The following ERICH6 variants were observed in gnomAD, a reference collection of about 807,000 sequenced individuals.
ERICH6 encodes the protein glutamate-rich protein 6.
ERICH6 carries 71 observed loss-of-function variants against 71.0 expected under a neutral mutation model. That is an observed-to-expected ratio of 1.00 (90% CI 0.83 to 1.22). The LOEUF (loss-of-function observed/expected upper bound fraction) is 1.22. ERICH6 is among the 50% of genes most tolerant of loss of function. ERICH6 has a pLI of 0.00. For synonymous variants in ERICH6, 262 were observed against 278.4 expected (o/e 0.94, Z 0.59); for missense variants, 808 against 797.2 (o/e 1.01, Z -0.16).
Position 150,659,985 on chromosome 3 carries a change from T to C in ERICH6, c.1899A>G (p.Ser633=). 1.2e-6 allele frequency: 2 copies of C among 1,614,070 alleles called. No homozygotes were observed. The highest frequency in any genetic ancestry group is 2.2e-5 in the South Asian group (2 of 91,072). Residue 633 remains serine, a synonymous_variant, in exon 14 of 14, where the codon TCA becomes TCG. Transcript: ENST00000295910. The stretch of plus-strand genomic sequence containing the variant: ...AAAGGGCAATTAGTTTTAGAGAAAG[T>C]GAAGAAAGGTAGGAAGGTTGCTTTA... The part of the protein sequence containing the change: ...EKLKQPSYLS[S]LSLKLIALCH...
intron 12 of ERICH6, among the ~76,000 whole-genome samples, chr3:150,668,851 T>A (rs536566142): frequency 3.3e-5 from 5 of 152,176 alleles, no homozygotes; most frequent in Non-Finnish European, 7.4e-5. Context: ...CTTGTGGCTA[T>A]AGGAAGCTTA....
At chr3:150,700,271 T>G (rs916214214) in intron 2 of ERICH6, among the ~76,000 whole-genome samples, 1 of 147,592 alleles carries the variant, frequency 6.8e-6, no homozygotes, top group Non-Finnish European at 1.5e-5. Context: ...TTTTTTGTAT[T>G]TTTAGTAGAG....
At chr3:150,663,105 G>C (rs1426886476) in intron 13 of ERICH6, among the ~76,000 whole-genome samples, 2 of 152,158 alleles carry the variant, frequency 1.3e-5, no homozygotes, top group Non-Finnish European at 2.9e-5. Flanking sequence ...GTTCTGACCA[G>C]ACTTACGTTT....
chr3:150,673,173 CTCTT>C (rs1328602979), intron 11 of ERICH6, among the ~76,000 whole-genome samples: 1 of 148,120 alleles, frequency 6.8e-6, no homozygotes, highest in Admixed American at 6.8e-5. Context: ...ATCCGTCTTT[CTCTT>C]TCTTCCTCTC....
intron 10 of ERICH6, among the ~76,000 whole-genome samples, chr3:150,675,260 T>A (rs746369312): frequency 1.3e-5 from 2 of 152,270 alleles, no homozygotes; most frequent in African/African-American, 4.8e-5. Flanking sequence ...TATTTTGTAA[T>A]GCTATATCTT....
At chr3:150,689,179 T>C (rs1712319962) in intron 3 of ERICH6, among the ~76,000 whole-genome samples, 1 of 152,200 alleles carries the variant, frequency 6.6e-6, no homozygotes, top group Non-Finnish European at 1.5e-5. Flanking sequence ...CTAAACTTTA[T>C]TTTGCTGTAC....
chr3:150,673,882 T>C, intron 11 of ERICH6, 74 bp downstream of exon 11: 1 of 1,438,546 alleles, frequency 7.0e-7, no homozygotes, highest in Non-Finnish European at 9.7e-7. Flanking sequence ...CACCCAACCA[T>C]GTATTTCCTT....
At chr3:150,669,049 T>A (rs1159607069) in intron 12 of ERICH6, among the ~76,000 whole-genome samples, 1 of 152,214 alleles carries the variant, frequency 6.6e-6, no homozygotes, top group East Asian at 1.9e-4. Context: ...AATTATATAG[T>A]TCATATATTC....
chr3:150,664,240 C>T (rs879823355), intron 13 of ERICH6, among the ~76,000 whole-genome samples: 1 of 152,078 alleles, frequency 6.6e-6, no homozygotes, highest in East Asian at 1.9e-4. Context: ...CAATATTCTT[C>T]AAAATGTAGA....
intron 13 of ERICH6, among the ~76,000 whole-genome samples, chr3:150,663,677 T>C (rs906191555): frequency 3.9e-5 from 6 of 152,134 alleles, no homozygotes; most frequent in Non-Finnish European, 7.4e-5. Flanking sequence ...CGGGTCTCAC[T>C]ATGTTGCCCA....
chr3:150,702,022 A>T (rs572797930), intron 2 of ERICH6, 99 bp downstream of exon 2: 1 of 828,602 alleles, frequency 1.2e-6, no homozygotes, highest in Non-Finnish European at 1.9e-6. Context: ...AGTAAGTCAC[A>T]AATGCCCTGG....
chr3:150,673,325 C>T (rs886173313), intron 11 of ERICH6, among the ~76,000 whole-genome samples: 2 of 151,638 alleles, frequency 1.3e-5, no homozygotes, highest in African/African-American at 4.8e-5. Flanking sequence ...GTAGCCAGGA[C>T]TTCAAGGTGT....
chr3:150,689,988 T>C (rs1712358694), intron 3 of ERICH6, among the ~76,000 whole-genome samples: 1 of 152,216 alleles, frequency 6.6e-6, no homozygotes, highest in South Asian at 2.1e-4. Context: ...AAGACAGGTG[T>C]AGTTTAGGCA....
intron 13 of ERICH6, among the ~76,000 whole-genome samples, chr3:150,663,942 A>T (rs1398801756): frequency 6.6e-6 from 1 of 152,166 alleles, no homozygotes; most frequent in African/African-American, 2.4e-5. Flanking sequence ...AGATAATCTG[A>T]TAATATAATC....
intron 10 of ERICH6, 22 bp downstream of exon 10, chr3:150,678,386 TA>T (rs753596658): frequency 7.8e-6 from 12 of 1,529,796 alleles, no homozygotes; most frequent in African/African-American, 1.4e-5. Context: ...AAATAGCAAG[TA>T]AAAAAATTAC....
intron 10 of ERICH6, 32 bp downstream of exon 10, chr3:150,678,377 A>T (rs1394756532): frequency 6.5e-7 from 1 of 1,529,600 alleles, no homozygotes; most frequent in Non-Finnish European, 8.7e-7. Flanking sequence ...TTTTTTTTAA[A>T]ATAGCAAGTA....
intron 3 of ERICH6, among the ~76,000 whole-genome samples, chr3:150,697,082 C>G (rs1372792542): frequency 6.6e-6 from 1 of 152,074 alleles, no homozygotes; most frequent in African/African-American, 2.4e-5. Flanking sequence ...AGAATTTTTA[C>G]CTGTATTTAC....
At chr3:150,683,043 G>A (rs1712032550) in intron 6 of ERICH6, among the ~76,000 whole-genome samples, 1 of 152,178 alleles carries the variant, frequency 6.6e-6, no homozygotes, top group Admixed American at 6.5e-5. Context: ...CAGGCCTCCA[G>A]GAAGAGACCC....
intron 3 of ERICH6, among the ~76,000 whole-genome samples, chr3:150,688,470 A>C (rs1381421557): frequency 6.6e-6 from 1 of 152,190 alleles, no homozygotes; most frequent in Non-Finnish European, 1.5e-5. Flanking sequence ...TCCGTGATAC[A>C]TTGCTGTCTT....
Sources: allele counts gnomAD v4.1 joint callset (sites outside exome capture counted in the v4.1 genomes callset), GRCh38; gene constraint gnomAD v4.1.1; transcripts MANE v1.5; gene names NCBI Gene and HGNC (gene_info 2026-07-23, HGNC 2026-07-21).